The following GPC3 variants were observed in gnomAD, a reference collection of about 807,000 sequenced individuals.
The protein encoded by GPC3 is glypican-3.
Under a neutral mutation model 34.4 loss-of-function variants are expected in GPC3, and 3 were observed. The ratio of observed to expected loss-of-function variants is 0.09; its 90% CI spans 0.04 to 0.23. The LOEUF (loss-of-function observed/expected upper bound fraction) is 0.23, where lower values mean the gene tolerates loss of function less well. Ranked by LOEUF, GPC3 falls within the 10% of genes least tolerant of loss-of-function variation. The pLI, the probability that GPC3 is intolerant of heterozygous loss-of-function variation, is 1.00. For missense variants in GPC3, 351 were observed against 445.6 expected (o/e 0.79, Z 1.91); for synonymous variants, 177 against 174.0 (o/e 1.02, Z -0.13).
At position 133,897,186 on chromosome X, in the gene GPC3, G is replaced by A. The variant is rs185240518; in HGVS notation, c.337+55864C>T. On this transcript the variant is annotated intron_variant, in intron 2 of 7. Coordinates refer to ENST00000370818, the MANE Select transcript of GPC3 (RefSeq NM_004484.4). Reference sequence around the variant, plus strand: ...CTCCTAAAGTGCTGGGATTACAGGCGTGAGCTACCGTGCCCGGCCTTTTTT... The same window carrying A: ...CTCCTAAAGTGCTGGGATTACAGGCATGAGCTACCGTGCCCGGCCTTTTTT... 4.4e-3 allele frequency among the ~76,000 whole-genome samples: 456 copies of A among 104,242 alleles called. 3 individuals are homozygous for A. Among genetic ancestry groups the A allele is most frequent in the East Asian group, 0.034 (112 of 3,282 alleles). 90.5% of individuals were successfully genotyped at this position (104,242 alleles called of 115,157 possible).
intron 2 of GPC3, among the ~76,000 whole-genome samples, chrX:133,787,594 C>T (rs182721094): frequency 2.3e-3 from 253 of 111,625 alleles, no homozygotes; most frequent in African/African-American, 7.6e-3. Context: ...CCCCAGGGGC[C>T]CCAGGCTGTT....
At chrX:133,555,653 C>T (rs2069481198) in intron 7 of GPC3, among the ~76,000 whole-genome samples, 2 of 110,712 alleles carry the variant, frequency 1.8e-5, no homozygotes, top group South Asian at 7.7e-4. Context: ...CATGGTGAAA[C>T]CCTGTCTCTA....
chrX:133,612,727 T>A (rs1362949380), intron 6 of GPC3, among the ~76,000 whole-genome samples: 1 of 112,461 alleles, frequency 8.9e-6, no homozygotes, highest in Non-Finnish European at 1.9e-5. Flanking sequence ...CAAGATAATA[T>A]CACCTACCTT....
chrX:133,762,616 C>T (rs1485960090), intron 2 of GPC3, among the ~76,000 whole-genome samples: 2 of 111,730 alleles, frequency 1.8e-5, no homozygotes, highest in Middle Eastern at 4.7e-3. Context: ...AAAAAAAATG[C>T]TCCACATCAC....
rs967351497 is a variant in GPC3, at chrX:133,918,095, G to A, written c.337+34955C>T. On this transcript the variant is annotated intron_variant, in intron 2 of 7. Coordinates refer to ENST00000370818, the MANE Select transcript of GPC3 (RefSeq NM_004484.4). The stretch of plus-strand genomic sequence containing the variant: ...TCCAGGGTTAGAAACTGTATACTTC[G>A]TATATCTTTTTAAAAAAATCATATA... Among the ~76,000 whole-genome samples the A allele has an allele frequency of 4.5e-5, 5 of 111,927 alleles. No homozygotes were observed. The East Asian group carries it at 1.1e-3, about 25-fold the overall frequency.
chrX:133,911,514 C>G (rs574155406), intron 2 of GPC3, among the ~76,000 whole-genome samples: 1 of 111,730 alleles, frequency 9.0e-6, no homozygotes, highest in South Asian at 3.8e-4. Context: ...ATCTGAGTTT[C>G]TCTTTCAACT....
intron 2 of GPC3, among the ~76,000 whole-genome samples, chrX:133,914,944 AATATATATATATATATATATAT>A (rs35086661): frequency 1.0e-4 from 5 of 49,934 alleles, no homozygotes; most frequent in African/African-American, 3.0e-4. Context: ...TCAAACTGGA[AATATATATATATATATATATAT>A]ATATATATAT....
chrX:133,842,774 T>C, intron 2 of GPC3, among the ~76,000 whole-genome samples: 1 of 110,914 alleles, frequency 9.0e-6, no homozygotes, highest in East Asian at 2.8e-4. Flanking sequence ...TTATTTCTCA[T>C]TCATATGGAT....
At chrX:133,816,230 AT>A (rs1182619711) in intron 2 of GPC3, among the ~76,000 whole-genome samples, 2 of 110,286 alleles carry the variant, frequency 1.8e-5, no homozygotes, top group African/African-American at 6.6e-5. Context: ...TAAAAAAAAC[AT>A]TTTTATAAAG....
intron 2 of GPC3, among the ~76,000 whole-genome samples, chrX:133,797,947 GCT>G (rs1363310594): frequency 3.6e-5 from 4 of 111,245 alleles, no homozygotes; most frequent in African/African-American, 6.5e-5. Context: ...AAAAAAAAAT[GCT>G]CTCTTTCTGA....
At chrX:133,810,874 A>AAG (rs2075661409) in intron 2 of GPC3, among the ~76,000 whole-genome samples, 1 of 108,420 alleles carries the variant, frequency 9.2e-6, no homozygotes, top group African/African-American at 3.4e-5. Flanking sequence ...AAAAAAAAAA[A>AAG]AAAAAAGAAA....
intron 6 of GPC3, among the ~76,000 whole-genome samples, chrX:133,635,410 A>T (rs752503854): frequency 1.8e-5 from 2 of 111,658 alleles, no homozygotes; most frequent in South Asian, 7.5e-4. Flanking sequence ...CTACAGTAGA[A>T]AGCAATCATG....
At chrX:133,719,674 G>A (rs999508417) in intron 3 of GPC3, among the ~76,000 whole-genome samples, 1 of 111,578 alleles carries the variant, frequency 9.0e-6, no homozygotes, top group Non-Finnish European at 1.9e-5. Context: ...GGCTGTAAAT[G>A]CCTATATTAA....
chrX:133,796,105 C>T (rs935756188), intron 2 of GPC3, among the ~76,000 whole-genome samples: 7 of 109,333 alleles, frequency 6.4e-5, no homozygotes, highest in African/African-American at 1.3e-4. Flanking sequence ...CCACCACGCC[C>T]GGCTAATTTT....
At chrX:133,576,116 G>A (rs1415965913) in intron 7 of GPC3, among the ~76,000 whole-genome samples, 1 of 112,303 alleles carries the variant, frequency 8.9e-6, no homozygotes, top group African/African-American at 3.2e-5. Flanking sequence ...CAAGAGGATT[G>A]TTGTCATCAT....
intron 7 of GPC3, among the ~76,000 whole-genome samples, chrX:133,576,623 C>T (rs1397471919): frequency 9.0e-6 from 1 of 110,974 alleles, no homozygotes; most frequent in Non-Finnish European, 1.9e-5. Context: ...TCTCTAAGAG[C>T]TAATATTAAA....
At chrX:133,734,347 A>G (rs950441689) in intron 3 of GPC3, among the ~76,000 whole-genome samples, 5 of 111,747 alleles carry the variant, frequency 4.5e-5, no homozygotes, top group African/African-American at 1.6e-4. Context: ...TGCTTTGATG[A>G]TAATAAAAAC....
At chrX:133,794,395 T>C (rs1429755125) in intron 2 of GPC3, among the ~76,000 whole-genome samples, 2 of 112,106 alleles carry the variant, frequency 1.8e-5, no homozygotes, top group Non-Finnish European at 3.8e-5. Context: ...AGGCCTCGTT[T>C]GTGTTTAAGT....
intron 2 of GPC3, among the ~76,000 whole-genome samples, chrX:133,850,673 C>A (rs973961946): frequency 1.8e-5 from 2 of 111,242 alleles, no homozygotes; most frequent in African/African-American, 6.5e-5. Context: ...CTCATCCTTC[C>A]TCATTAATGG....
Sources: gnomAD v4.1 joint callset for allele counts (sites outside exome capture counted in the v4.1 genomes callset) on GRCh38, gnomAD v4.1.1 for gene constraint, MANE v1.5 for transcripts, NCBI Gene and HGNC (gene_info 2026-07-23, HGNC 2026-07-21) for gene names.